Variants in RNASEH1 observed in about 807,000 individuals in gnomAD.
The protein encoded by RNASEH1 is ribonuclease H1, also known as ribonuclease H type II.
RNASEH1 carries 27 observed loss-of-function variants against 34.6 expected under a neutral mutation model. The ratio of observed to expected loss-of-function variants is 0.78; its 90% CI spans 0.58 to 1.08. The LOEUF is 1.08. RNASEH1 is among the 50% of genes least tolerant of loss of function. The pLI is 0.00. For missense variants in RNASEH1, 349 were observed against 373.6 expected (o/e 0.93, Z 0.54); for synonymous variants, 162 against 138.4 (o/e 1.17, Z -1.20).
chr2:3,549,023 A>G (rs757917618), intron 5 of RNASEH1, 35 bp downstream of exon 5: 1 of 1,559,540 alleles, frequency 6.4e-7, no homozygotes, highest in South Asian at 1.1e-5. Context: ...CTCAATGCTC[A>G]AAAAAGAGAG....
rs944008031 is a variant in RNASEH1 at position 3,542,713 on chromosome 2, T to C, written c.*3072A>G. On this transcript the variant is annotated 3_prime_UTR_variant, in exon 8 of 8. Transcript: ENST00000315212. ...ATAAAACAAGTGAGTGATTAAGGGA[T>C]GGATATTCCATGCCATTGTCCTGTG... Among the ~76,000 whole-genome samples the C allele has an allele frequency of 6.6e-6, 1 of 152,212 alleles. No homozygotes were observed. Among genetic ancestry groups the C allele is most frequent in the Non-Finnish European group, 1.5e-5 (1 of 68,040 alleles).
intron 1 of RNASEH1, 69 bp from the exon 2 acceptor site, chr2:3,556,973 T>A: frequency 8.3e-7 from 1 of 1,207,410 alleles, no homozygotes; most frequent in Non-Finnish European, 1.2e-6. Context: ...TTGAGATTCT[T>A]AAGGTTGGAA....
At chr2:3,550,127 T>C (rs1484578156) in intron 4 of RNASEH1, 1 of 416,038 alleles carries the variant, frequency 2.4e-6, no homozygotes, top group East Asian at 4.5e-5. Context: ...TGGGCAACAG[T>C]GTGAGACCGT....
At position 3,542,112 on chromosome 2, in the gene RNASEH1, T is replaced by C. The variant is rs1372415066; in HGVS notation, c.*3673A>G. 6.6e-6 allele frequency among the ~76,000 whole-genome samples: 1 copy of C among 151,990 alleles called. No homozygotes were observed. The highest frequency in any genetic ancestry group is 2.4e-5 in the African/African-American group (1 of 41,386). ...AAACACTGAGAACAGCCAATTTAGA[T>C]TTCAACATACAGATAACAGGGATCC... On this transcript the variant is annotated 3_prime_UTR_variant, in exon 8 of 8. Transcript: ENST00000315212.
In RNASEH1 at chr2:3,543,978, A is replaced by G. The variant is rs1668522409; in HGVS notation, c.*1807T>C. 6.6e-6 allele frequency among the ~76,000 whole-genome samples: 1 copy of G among 152,184 alleles called. No homozygotes were observed. The highest frequency in any genetic ancestry group is 1.5e-5 in the Non-Finnish European group (1 of 68,036). ...ACCTTCCTTGACAGACAACTAATGC[A>G]TTATCTTAAAAACTTAGTGTACAAG... On this transcript the variant is annotated 3_prime_UTR_variant, in exon 8 of 8. Transcript: ENST00000315212.
chr2:3,546,715 G>A (rs192887119), intron 7 of RNASEH1, among the ~76,000 whole-genome samples: 162 of 152,272 alleles, frequency 1.1e-3, no homozygotes, highest in South Asian at 1.5e-3. Context: ...TGGTTGCAGC[G>A]AGCCGAGATT....
rs1391533737 is a variant in RNASEH1 at position 3,545,301 on chromosome 2, G to A, written c.*484C>T. The A allele has an allele frequency of 1.2e-5, 2 of 167,522 alleles. No individual in the cohort carries two copies. The highest frequency in any genetic ancestry group is 5.6e-5 in the Admixed American group (1 of 17,844). 10.4% of individuals were successfully genotyped at this position (167,522 alleles called of 1,614,324 possible). A position where few individuals can be genotyped will look rare whatever the true frequency, so the allele number is the denominator to read the frequency against. On this transcript the variant is annotated 3_prime_UTR_variant, in exon 8 of 8. Coordinates refer to ENST00000315212, the MANE Select transcript of RNASEH1 (RefSeq NM_002936.6). Reference sequence around the variant, plus strand: ...CAGCACACATCCTGCCCACTGAGCTGTCCGCCCAGGCCCTGGGCAGCATGT... The same window carrying A: ...CAGCACACATCCTGCCCACTGAGCTATCCGCCCAGGCCCTGGGCAGCATGT...
chr2:3,546,003 A>G (rs1432946988), intron 7 of RNASEH1, 132 bp from the exon 8 acceptor site: 1 of 679,720 alleles, frequency 1.5e-6, no homozygotes, highest in African/African-American at 1.8e-5. Context: ...TCCTCTCCCC[A>G]GACATGATCC....
At position 3,543,164 on chromosome 2, in the gene RNASEH1, A is replaced by G. The variant is rs1349165419; in HGVS notation, c.*2621T>C. Among the ~76,000 whole-genome samples the G allele has an allele frequency of 7.5e-6, 1 of 132,774 alleles. No individual in the cohort carries two copies. The highest frequency in any genetic ancestry group is 2.5e-5 in the African/African-American group (1 of 40,008). The allele number at this position is 132,774 out of a possible 152,430, so 87.1% of individuals were successfully genotyped here. A position where few individuals can be genotyped will look rare whatever the true frequency, so the allele number is the denominator to read the frequency against. On this transcript the variant is annotated 3_prime_UTR_variant, in exon 8 of 8. Coordinates refer to ENST00000315212, the MANE Select transcript of RNASEH1 (RefSeq NM_002936.6). ...ATCACATGCTGAAGGCTCCCAAAAC[A>G]TGCCTATGTGAGGTGGAGGCTGACC...
chr2:3,557,937 G>A (rs1253583084), intron 1 of RNASEH1, 196 bp downstream of exon 1: 1 of 1,528,478 alleles, frequency 6.5e-7, no homozygotes, highest in South Asian at 1.2e-5. Context: ...TCTTCGGTGC[G>A]TTCCAGTCCC....
the RNASEH1 span, chr2:3,534,086 T>C: frequency 6.6e-6 from 1 of 152,296 alleles, no homozygotes; most frequent in Non-Finnish European, 1.5e-5. Flanking sequence ...CAGCAGGGAC[T>C]ACCACCTTTG....
chr2:3,540,107 T>C (rs1054027375), downstream of RNASEH1, among the ~76,000 whole-genome samples: 3 of 152,146 alleles, frequency 2.0e-5, no homozygotes, highest in African/African-American at 7.2e-5. Context: ...CGGCCTCTAT[T>C]TGTGCGGCAC....
At chr2:3,537,090 T>A (rs1481126266), downstream of RNASEH1, among the ~76,000 whole-genome samples, 2 of 152,238 alleles carry the variant, frequency 1.3e-5, no homozygotes. Context: ...ATCCATTCAG[T>A]TCCTAAATGT....
intron 2 of RNASEH1, among the ~76,000 whole-genome samples, chr2:3,554,734 G>A (rs1660319933): frequency 6.6e-6 from 1 of 152,112 alleles, no homozygotes; most frequent in African/African-American, 2.4e-5. Context: ...TTACTGATTG[G>A]TTAAAAACAA....
Position 3,545,660 on chromosome 2 carries a change from C to A in RNASEH1, c.*125G>T. ...CACAGAAGGCCACTGTGCCTGATTC[C>A]GTGTGAAAGACGCATCTGCCCATCA... On this transcript the variant is annotated 3_prime_UTR_variant, in exon 8 of 8. Transcript: ENST00000315212. 1 of 690,254 alleles carries A rather than the reference C, an allele frequency of 1.4e-6. No homozygotes were observed. The highest frequency in any genetic ancestry group is 1.6e-5 in the South Asian group (1 of 63,480). The allele number at this position is 690,254 out of a possible 1,614,324, so 42.8% of individuals were successfully genotyped here.
At chr2:3,546,592 T>C (rs1473374374) in intron 7 of RNASEH1, among the ~76,000 whole-genome samples, 5 of 152,080 alleles carry the variant, frequency 3.3e-5, no homozygotes, top group Admixed American at 3.3e-4. Context: ...TGTGCCCAGG[T>C]TGGGTGTTAC....
At chr2:3,548,805 G>A in intron 5 of RNASEH1, 81 bp from the exon 6 acceptor site, 5 of 982,816 alleles carry the variant, frequency 5.1e-6, no homozygotes, top group Non-Finnish European at 8.1e-6. Context: ...CTTCGAAATT[G>A]AAACATCCCC....
intron 4 of RNASEH1, chr2:3,550,142 TAAAAAAAAAAAAAAAA>T (rs1162099553): frequency 4.2e-6 from 1 of 240,758 alleles, no homozygotes; most frequent in South Asian, 3.0e-5. Context: ...GACCGTGTCT[TAAAAAAAAAAAAAAAA>T]AAAAAAAAAG....
intron 2 of RNASEH1, 84 bp downstream of exon 2, chr2:3,556,705 G>GGT (rs1305632388): frequency 8.3e-5 from 70 of 840,470 alleles, no homozygotes; most frequent in Middle Eastern, 3.3e-4. Context: ...ATGCCTAGAG[G>GGT]GTAGCTATAT....
Sources: allele counts gnomAD v4.1 joint callset (sites outside exome capture counted in the v4.1 genomes callset), GRCh38; gene constraint gnomAD v4.1.1; transcripts MANE v1.5; gene names NCBI Gene and HGNC (gene_info 2026-07-23, HGNC 2026-07-21).